The following CNKSR1 variants were observed in gnomAD, a reference collection of about 807,000 sequenced individuals.
The protein encoded by CNKSR1 is CNK homolog protein 1.
CNKSR1 carries 88 observed loss-of-function variants against 95.6 expected under a neutral mutation model. That is an observed-to-expected ratio of 0.92 (90% CI 0.78 to 1.10). The LOEUF is 1.10. CNKSR1 is among the 50% of genes least tolerant of loss of function. The pLI is 0.00. For missense variants in CNKSR1, 836 were observed against 912.0 expected (o/e 0.92, Z 1.07); for synonymous variants, 355 against 369.7 (o/e 0.96, Z 0.46).
At chr1:26,184,635 T>TG in intron 13 of CNKSR1, 23 bp downstream of exon 13, 1 of 1,588,362 alleles carries the variant, frequency 6.3e-7, no homozygotes. Context: ...CTGGACTAGG[T>TG]GGGGGTTCCC....
At chr1:26,178,368 A>G (rs1469787149) in intron 1 of CNKSR1, among the ~76,000 whole-genome samples, 2 of 152,234 alleles carry the variant, frequency 1.3e-5, no homozygotes, top group Non-Finnish European at 2.9e-5. Flanking sequence ...TGACAGAAGC[A>G]GAAGCCCTAG....
In CNKSR1 at chr1:26,183,819, A is replaced by ACC. The variant is rs781114848; in HGVS notation, c.850_851dup (p.Gln285HisfsTer74). ...GCTGAAGAAGATCCCGATACCGGAGACCCCCCCACAGGTACCTTCCCCTGC... is the reference window on the plus strand; with the variant it reads ...GCTGAAGAAGATCCCGATACCGGAGACCCCCCCCCACAGGTACCTTCCCCTGC... On this transcript the variant is annotated frameshift_variant, in exon 9 of 21. Transcript: ENST00000361530. LOFTEE classifies it high-confidence loss of function. 2.2e-6 allele frequency: 3 copies of ACC among 1,336,184 alleles called. No homozygotes were observed. The highest frequency in any genetic ancestry group is 3.0e-6 in the Non-Finnish European group (3 of 998,974). The allele number at this position is 1,336,184 out of a possible 1,614,324, so 82.8% of individuals were successfully genotyped here. A position where few individuals can be genotyped will look rare whatever the true frequency, so the allele number is the denominator to read the frequency against.
intron 6 of CNKSR1, among the ~76,000 whole-genome samples, chr1:26,182,842 G>A (rs541005570): frequency 2.4e-4 from 37 of 152,316 alleles, no homozygotes; most frequent in Admixed American, 4.6e-4. Context: ...GGGGCTTGGG[G>A]GCAGTTAGGA....
chr1:26,184,963 G>A lies in CNKSR1; in HGVS notation c.1136-51G>A, dbSNP rs747648469. 28 of 1,533,262 alleles carry A rather than the reference G, an allele frequency of 1.8e-5. 2 individuals carry two copies. In the South Asian group the frequency reaches 1.9e-4, roughly 10 times the overall value. The allele number at this position is 1,533,262 out of a possible 1,614,324, so 95.0% of individuals were successfully genotyped here. A position where few individuals can be genotyped will look rare whatever the true frequency, so the allele number is the denominator to read the frequency against. ...GTGGAAGGCAGGGAGTAGGTTTAGCGGGGGCACCTTGCCAGCCCCTCACTG... is the reference window on the plus strand; with the variant it reads ...GTGGAAGGCAGGGAGTAGGTTTAGCAGGGGCACCTTGCCAGCCCCTCACTG... On this transcript the variant is annotated intron_variant, in intron 13 of 20. Transcript: ENST00000361530.
At chr1:26,183,648 T>C in intron 8 of CNKSR1, 81 bp from the exon 9 acceptor site, 2 of 1,158,646 alleles carry the variant, frequency 1.7e-6, no homozygotes, top group Non-Finnish European at 2.6e-6. Context: ...GAGAGAGAGC[T>C]CCCAGCACGA....
At chr1:26,182,079 C>A in intron 4 of CNKSR1, 138 bp downstream of exon 4, 1 of 886,944 alleles carries the variant, frequency 1.1e-6, no homozygotes. Context: ...GGCCCTGCCA[C>A]TGGGTATGGG....
rs1307193531 is a variant in CNKSR1 at position 26,181,888 on chromosome 1, G to A, written c.424G>A (p.Ala142Thr). Residue 142 changes from alanine to threonine, a missense_variant, in exon 4 of 21, where the codon GCA (alanine) becomes ACA (threonine). Ala to Thr is a moderately conservative substitution (Grantham distance 58). Coordinates refer to ENST00000361530, the MANE Select transcript of CNKSR1 (RefSeq NM_006314.3). ...YLFSHLNDFS[A>T]CQEIRDLLEE... Reference sequence around the variant, plus strand: ...CTTCTCCCACTTAAATGATTTCTCAGCATGCCAGGAGATCCGAGACTTGTT... The same window carrying A: ...CTTCTCCCACTTAAATGATTTCTCAACATGCCAGGAGATCCGAGACTTGTT... 5 of 1,613,946 alleles carry A rather than the reference G, an allele frequency of 3.1e-6. No homozygotes were observed. The highest frequency in any genetic ancestry group is 1.3e-5 in the African/African-American group (1 of 74,906).
rs780810191 is a variant in CNKSR1, at chr1:26,184,157, C to T, written c.926+16C>T. 6.2e-7 allele frequency: 1 copy of T among 1,612,826 alleles called. No homozygotes were observed. The highest frequency in any genetic ancestry group is 1.1e-5 in the South Asian group (1 of 90,972). ...TGTCTCCCAGGTAACAGGCTCTGTCCAGGTGTGTCTTGGTGGGGAGACCGT... is the reference window on the plus strand; with the variant it reads ...TGTCTCCCAGGTAACAGGCTCTGTCTAGGTGTGTCTTGGTGGGGAGACCGT... On this transcript the variant is annotated intron_variant, in intron 10 of 20. Coordinates refer to ENST00000361530, the MANE Select transcript of CNKSR1 (RefSeq NM_006314.3).
chr1:26,184,885 C>A, intron 13 of CNKSR1, 129 bp from the exon 14 acceptor site: 1 of 987,340 alleles, frequency 1.0e-6, no homozygotes, highest in Non-Finnish European at 1.5e-6. Flanking sequence ...AGAGATGACA[C>A]ATGTAGCATT....
intron 17 of CNKSR1, 63 bp from the exon 18 acceptor site, chr1:26,188,379 G>A: frequency 1.2e-6 from 2 of 1,609,640 alleles, no homozygotes; most frequent in Non-Finnish European, 1.7e-6. Flanking sequence ...TGGGGGCTAG[G>A]AACTCAAATG....
chr1:26,184,436 C>A lies in CNKSR1; in HGVS notation c.1036C>A (p.Pro346Thr), dbSNP rs1392116870. 1 of 1,613,502 alleles carries A rather than the reference C, an allele frequency of 6.2e-7. No individual in the cohort carries two copies. Among genetic ancestry groups the A allele is most frequent in the South Asian group, 1.1e-5 (1 of 90,982 alleles). The change falls in exon 12 of 21, where the codon CCC (proline) becomes ACC (threonine). Residue 346 changes from proline to threonine, a missense_variant. Transcript: ENST00000361530. ...CCTTGGCCCTGAGCCCCTGCCCATC[C>A]CCCCGGAACCCCCAGCCATACTCCC... Reference protein sequence around the residue: ...ASLGPEPLPIPPEPPAILPAG... With the variant: ...ASLGPEPLPITPEPPAILPAG...
rs1413281632 is a variant in CNKSR1 at position 26,188,263 on chromosome 1, C to G, written c.1484C>G (p.Ser495Cys). Residue 495 changes from serine to cysteine, a missense_variant, in exon 17 of 21, where the codon TCC (serine) becomes TGC (cysteine). Physicochemically the swap from Ser to Cys is moderately radical, Grantham distance 112 (BLOSUM62 -1). Coordinates refer to ENST00000361530, the MANE Select transcript of CNKSR1 (RefSeq NM_006314.3). Reference sequence around the variant, plus strand: ...GTGCGTCATCTCATTACCTGCATCTCCAAGTACCAGTCTCCAGGCCGGGCC... The same window carrying G: ...GTGCGTCATCTCATTACCTGCATCTGCAAGTACCAGTCTCCAGGCCGGGCC... ...MWVRHLITCI[S>C]KYQSPGRAPP... 3.7e-6 allele frequency: 6 copies of G among 1,614,008 alleles called. No homozygotes were observed. Among genetic ancestry groups the G allele is most frequent in the Non-Finnish European group, 5.1e-6 (6 of 1,180,044 alleles).
intron 5 of CNKSR1, 39 bp downstream of exon 5, chr1:26,182,441 G>T (rs779395714): frequency 1.2e-6 from 2 of 1,613,706 alleles, no homozygotes; most frequent in Admixed American, 1.7e-5. Flanking sequence ...GGGTAGGGGC[G>T]ATCGGGCTCA....
At chr1:26,185,220 T>G (rs2088728783) in intron 14 of CNKSR1, 34 bp downstream of exon 14, 4 of 1,547,244 alleles carry the variant, frequency 2.6e-6, no homozygotes, top group Non-Finnish European at 3.5e-6. Flanking sequence ...GGTAGGCAAG[T>G]GAGTCACTTC....
chr1:26,183,439 G>C, intron 8 of CNKSR1, 25 bp downstream of exon 8: 1 of 1,611,978 alleles, frequency 6.2e-7, no homozygotes, highest in South Asian at 1.1e-5. Context: ...GGACATGGTA[G>C]GAGGTGAAGG....
In CNKSR1 at chr1:26,189,267, C is replaced by T. The variant is rs1270422918; in HGVS notation, c.1873-12C>T. ...GGTGATCATGGTCCCTTAGCCCCTC[C>T]TCTCCACACAGGCAAAGCTGCAGGA... On this transcript the variant is annotated splice_polypyrimidine_tract_variant and intron_variant, in intron 20 of 20. Coordinates refer to ENST00000361530, the MANE Select transcript of CNKSR1 (RefSeq NM_006314.3). 2 of 1,614,028 alleles carry T rather than the reference C, an allele frequency of 1.2e-6. No individual in the cohort carries two copies. The highest frequency in any genetic ancestry group is 3.3e-5 in the Admixed American group (2 of 60,026).
In CNKSR1 at chr1:26,184,997, G is replaced by T; in HGVS notation, c.1136-17G>T. On this transcript the variant is annotated splice_polypyrimidine_tract_variant and intron_variant, in intron 13 of 20. Transcript: ENST00000361530. ...TTGCCAGCCCCTCACTGCCCAGCTT[G>T]TGCTGTGCTGCTACAGGCCTGGCGA... 6.3e-7 allele frequency: 1 copy of T among 1,587,846 alleles called. No individual in the cohort carries two copies. Among genetic ancestry groups the T allele is most frequent in the Non-Finnish European group, 8.5e-7 (1 of 1,174,386 alleles).
At chr1:26,183,977 C>G (rs756849277) in intron 9 of CNKSR1, 94 bp from the exon 10 acceptor site, 2 of 715,960 alleles carry the variant, frequency 2.8e-6, no homozygotes, top group Admixed American at 4.1e-5. Context: ...GACCCCCCCA[C>G]AGGTACCTGC....
In CNKSR1 at chr1:26,188,864, C is replaced by T. The variant is rs1161351516; in HGVS notation, c.1783C>T (p.Gln595Ter). ...CCAGCCACAGCCCCTGACCCAGGAA[C>T]AGTGGCGGAGCTCTTTCATGCGGCG... ...LGQPQPLTQE[Q>*]WRSSFMRRNR... Residue 595 changes from glutamine to a stop codon, truncating the protein, a stop_gained, in exon 20 of 21, where the codon CAG (glutamine) becomes TAG (stop). Coordinates refer to ENST00000361530, the MANE Select transcript of CNKSR1 (RefSeq NM_006314.3). LOFTEE classifies it high-confidence loss of function. 1.9e-6 allele frequency: 3 copies of T among 1,613,840 alleles called. No individual in the cohort carries two copies. The highest frequency in any genetic ancestry group is 2.2e-5 in the East Asian group (1 of 44,872).
Sources: gnomAD v4.1 joint callset for allele counts (sites outside exome capture counted in the v4.1 genomes callset) on GRCh38, gnomAD v4.1.1 for gene constraint, MANE v1.5 for transcripts, NCBI Gene and HGNC (gene_info 2026-07-23, HGNC 2026-07-21) for gene names.